Variants in CACNA2D3 observed in about 807,000 individuals in gnomAD.
CACNA2D3 encodes the protein voltage-dependent calcium channel subunit alpha-2/delta-3.
A neutral mutation model predicts 160.6 loss-of-function variants in CACNA2D3; 60 were observed. That is an observed-to-expected ratio of 0.37 (90% CI 0.30 to 0.46). The LOEUF is 0.46. Ranked by LOEUF, CACNA2D3 falls within the 20% of genes least tolerant of loss-of-function variation. The probability of loss-of-function intolerance (pLI) is 1.00; values close to 1 mark genes in which losing one functional copy is unlikely to be tolerated. For missense variants in CACNA2D3, 1,205 were observed against 1,365.0 expected (o/e 0.88, Z 1.85); for synonymous variants, 558 against 492.9 (o/e 1.13, Z -1.75).
chr3:54,976,342 GA>G (rs1430677626), intron 29 of CACNA2D3, among the ~76,000 whole-genome samples: 5 of 114,966 alleles, frequency 4.3e-5, no homozygotes, highest in Admixed American at 1.0e-4. Flanking sequence ...GGGGTGGGGG[GA>G]GGGGGGAGAG....
At chr3:54,735,025 C>T (rs891632551) in intron 11 of CACNA2D3, among the ~76,000 whole-genome samples, 9 of 152,314 alleles carry the variant, frequency 5.9e-5, no homozygotes, top group South Asian at 4.1e-4. Flanking sequence ...TCTGCCCTAG[C>T]GTGGAGACAG....
chr3:55,024,711 T>C lies in CACNA2D3; in HGVS notation c.2987+6394T>C, dbSNP rs570920167. On this transcript the variant is annotated intron_variant, in intron 35 of 37. Transcript: ENST00000474759. ...TTACCCACTCTGAGATATTTTGTTATAGCAGCCTGAATAGATGGAAACACA... is the reference window on the plus strand; with the variant it reads ...TTACCCACTCTGAGATATTTTGTTACAGCAGCCTGAATAGATGGAAACACA... Among the ~76,000 whole-genome samples, 52 of 152,336 alleles carry C rather than the reference T, an allele frequency of 3.4e-4. 1 individual carries two copies. The South Asian group carries it at 4.8e-3, about 14-fold the overall frequency.
intron 10 of CACNA2D3, among the ~76,000 whole-genome samples, chr3:54,630,008 T>TAA (rs3030106): frequency 0.16 from 24,324 of 152,070 alleles, 2,061 homozygotes; most frequent in South Asian, 0.27. Context: ...GTTTACAGGG[T>TAA]TTCTTGTTCA....
intron 17 of CACNA2D3, among the ~76,000 whole-genome samples, chr3:54,854,586 C>T (rs891558364): frequency 3.3e-5 from 5 of 152,088 alleles, no homozygotes; most frequent in African/African-American, 1.2e-4. Flanking sequence ...CGCCGCAGCA[C>T]CCAGGCTACC....
intron 11 of CACNA2D3, among the ~76,000 whole-genome samples, chr3:54,743,099 C>T (rs2107047400): frequency 6.6e-6 from 1 of 152,322 alleles, no homozygotes; most frequent in Non-Finnish European, 1.5e-5. Flanking sequence ...GCTGACTTCC[C>T]TTAATTTCCC....
At chr3:54,991,175 C>T (rs1022008081) in intron 31 of CACNA2D3, among the ~76,000 whole-genome samples, 7 of 151,870 alleles carry the variant, frequency 4.6e-5, no homozygotes, top group Admixed American at 2.0e-4. Flanking sequence ...ATTTGCAGGG[C>T]CCAGTGCAAA....
At chr3:54,430,494 A>G (rs1699973000) in intron 4 of CACNA2D3, among the ~76,000 whole-genome samples, 1 of 152,146 alleles carries the variant, frequency 6.6e-6, no homozygotes, top group Admixed American at 6.5e-5. Flanking sequence ...TGGAATTTAT[A>G]CCATCAAGTA....
intron 27 of CACNA2D3, among the ~76,000 whole-genome samples, chr3:54,945,434 C>T (rs183233867): frequency 4.7e-4 from 71 of 152,318 alleles, no homozygotes; most frequent in African/African-American, 1.7e-3. Context: ...GTATCCAGCC[C>T]AGGCATGTAT....
intron 21 of CACNA2D3, among the ~76,000 whole-genome samples, chr3:54,884,084 G>A (rs777679720): frequency 6.6e-6 from 1 of 152,080 alleles, no homozygotes; most frequent in Admixed American, 6.6e-5. Flanking sequence ...AAGAAAGGAA[G>A]GAATGGGAGG....
intron 3 of CACNA2D3, among the ~76,000 whole-genome samples, chr3:54,367,851 T>C (rs996430295): frequency 6.6e-6 from 1 of 152,226 alleles, no homozygotes; most frequent in African/African-American, 2.4e-5. Context: ...AGAAACGTTT[T>C]CTGCCATCCG....
intron 11 of CACNA2D3, among the ~76,000 whole-genome samples, chr3:54,710,110 G>C (rs1700928564): frequency 6.6e-6 from 1 of 152,200 alleles, no homozygotes; most frequent in Non-Finnish European, 1.5e-5. Context: ...TATTTGTGGA[G>C]CACCTATTGT....
At chr3:55,000,260 G>C (rs1052911779) in intron 31 of CACNA2D3, among the ~76,000 whole-genome samples, 30 of 152,224 alleles carry the variant, frequency 2.0e-4, no homozygotes, top group Middle Eastern at 6.8e-3. Context: ...CAGTAACAAA[G>C]TCACTTCAAA....
intron 11 of CACNA2D3, among the ~76,000 whole-genome samples, chr3:54,686,334 C>T (rs1050782946): frequency 6.6e-6 from 1 of 152,198 alleles, no homozygotes; most frequent in Non-Finnish European, 1.5e-5. Flanking sequence ...AACTAACAAC[C>T]TCTTCAATAG....
chr3:54,145,475 G>A (rs890460143), intron 2 of CACNA2D3, among the ~76,000 whole-genome samples: 5 of 152,216 alleles, frequency 3.3e-5, no homozygotes, highest in African/African-American at 4.8e-5. Context: ...TTTTAGGGAA[G>A]TGTCCCTCTC....
chr3:54,365,918 G>T (rs1371279436), intron 3 of CACNA2D3, among the ~76,000 whole-genome samples: 1 of 152,186 alleles, frequency 6.6e-6, no homozygotes, highest in African/African-American at 2.4e-5. Context: ...ACCACAGTAA[G>T]AGAGGGATGT....
intron 3 of CACNA2D3, among the ~76,000 whole-genome samples, chr3:54,355,168 A>G (rs1698627720): frequency 6.6e-6 from 1 of 152,246 alleles, no homozygotes; most frequent in Admixed American, 6.5e-5. Context: ...CAGATGTGAC[A>G]GTTTGACACT....
intron 35 of CACNA2D3, among the ~76,000 whole-genome samples, chr3:55,051,886 C>T (rs946736380): frequency 7.9e-5 from 12 of 152,192 alleles, no homozygotes; most frequent in Non-Finnish European, 2.9e-5. Context: ...CGTCTGTCAC[C>T]CCTTTCTTTG....
chr3:54,767,498 C>T (rs1702246909), intron 13 of CACNA2D3, among the ~76,000 whole-genome samples: 1 of 152,000 alleles, frequency 6.6e-6, no homozygotes, highest in South Asian at 2.1e-4. Context: ...TGGGATTAGA[C>T]TTGATTGGAA....
chr3:54,212,205 T>C (rs993406507), intron 2 of CACNA2D3, among the ~76,000 whole-genome samples: 1 of 152,170 alleles, frequency 6.6e-6, no homozygotes, highest in African/African-American at 2.4e-5. Flanking sequence ...CCTGATGACA[T>C]ATGCCCAAGG....
Sources: allele counts gnomAD v4.1 joint callset (sites outside exome capture counted in the v4.1 genomes callset), GRCh38; gene constraint gnomAD v4.1.1; transcripts MANE v1.5; gene names NCBI Gene and HGNC (gene_info 2026-07-23, HGNC 2026-07-21).